The following PPP4R1 variants were observed in gnomAD, a reference collection of about 807,000 sequenced individuals.
The protein encoded by PPP4R1 is protein phosphatase 4 regulatory subunit 1.
In PPP4R1, 42 loss-of-function variants were observed where a neutral mutation model predicts 111.2. The ratio of observed to expected loss-of-function variants is 0.38; its 90% CI spans 0.29 to 0.49. PPP4R1 has a LOEUF of 0.49. Ranked by LOEUF, PPP4R1 falls within the 20% of genes least tolerant of loss-of-function variation. PPP4R1 has a pLI of 0.97. For synonymous variants in PPP4R1, 409 were observed against 405.5 expected (o/e 1.01, Z -0.10); for missense variants, 1,012 against 1,161.6 (o/e 0.87, Z 1.87).
At position 9,614,316 on chromosome 18, in the gene PPP4R1, C is replaced by A; in HGVS notation, c.8-46G>T. On this transcript the variant is annotated intron_variant, in intron 1 of 19. Transcript: ENST00000400556. The surrounding 1 kb of genome is among the most constrained non-coding windows in gnomAD (Gnocchi z 4.1). ...AAAGGCCCGGTCAGCGCCCCGGGGCCCGGCGCGACGCCCCCCCCCCGCCCG... is the reference window on the plus strand; with the variant it reads ...AAAGGCCCGGTCAGCGCCCCGGGGCACGGCGCGACGCCCCCCCCCCGCCCG... 1 of 1,191,550 alleles carries A rather than the reference C, an allele frequency of 8.4e-7. No homozygotes were observed. Among genetic ancestry groups the A allele is most frequent in the Non-Finnish European group, 1.1e-6 (1 of 950,574 alleles). The allele number at this position is 1,191,550 out of a possible 1,614,324, so 73.8% of individuals were successfully genotyped here.
At chr18:9,568,336 G>A (rs2066804240) in intron 11 of PPP4R1, among the ~76,000 whole-genome samples, 1 of 152,124 alleles carries the variant, frequency 6.6e-6, no homozygotes, top group African/African-American at 2.4e-5. Context: ...TTTATGCACT[G>A]GAAAACCACA....
chr18:9,613,577 GA>G (rs2067622496), intron 2 of PPP4R1: 3 of 152,188 alleles, frequency 2.0e-5, no homozygotes, highest in Admixed American at 1.3e-4. Flanking sequence ...GGTGATTTCT[GA>G]ACATCCGCAT....
intron 2 of PPP4R1, among the ~76,000 whole-genome samples, chr18:9,603,161 T>G (rs1430328013): frequency 8.8e-6 from 1 of 113,008 alleles, no homozygotes; most frequent in Non-Finnish European, 1.8e-5. Context: ...TAGTTTTCAT[T>G]CAACCAATTA....
chr18:9,615,658 C>G (rs1439558780), upstream of PPP4R1, among the ~76,000 whole-genome samples: 1 of 152,174 alleles, frequency 6.6e-6, no homozygotes, highest in Non-Finnish European at 1.5e-5. Context: ...CCCAAGGCCT[C>G]CAAAATGGTG....
chr18:9,600,807 G>C (rs2067369065), intron 2 of PPP4R1, among the ~76,000 whole-genome samples: 1 of 152,144 alleles, frequency 6.6e-6, no homozygotes, highest in African/African-American at 2.4e-5. Context: ...CTTGAGTACG[G>C]GAGGCAGACA....
intron 15 of PPP4R1, among the ~76,000 whole-genome samples, chr18:9,555,986 A>AAAC (rs1354476066): frequency 9.2e-5 from 7 of 75,678 alleles, no homozygotes; most frequent in African/African-American, 3.1e-4. Context: ...ACAAACAAAC[A>AAAC]AACAAACAAA....
At chr18:9,574,655 G>A (rs1435541350) in intron 10 of PPP4R1, among the ~76,000 whole-genome samples, 1 of 152,196 alleles carries the variant, frequency 6.6e-6, no homozygotes, top group Non-Finnish European at 1.5e-5. Flanking sequence ...GGAGCTGGAC[G>A]CCACACTGCA....
chr18:9,604,217 T>C (rs1284646880), intron 2 of PPP4R1, among the ~76,000 whole-genome samples: 17 of 152,172 alleles, frequency 1.1e-4, no homozygotes, highest in Admixed American at 1.1e-3. Context: ...GTAATAAAGT[T>C]TAAAGACCAC....
At position 9,550,417 on chromosome 18, in the gene PPP4R1, A is replaced by G. The variant is rs1175738753; in HGVS notation, c.2292-19T>C. On this transcript the variant is annotated intron_variant, in intron 16 of 19. Transcript: ENST00000400556. Reference sequence around the variant, plus strand: ...CAGCTGTCTACAAAAAGGAATTACAAAAAGACAATGTTTAAAAATCAGCGA... The same window carrying G: ...CAGCTGTCTACAAAAAGGAATTACAGAAAGACAATGTTTAAAAATCAGCGA... The G allele has an allele frequency of 3.8e-6, 6 of 1,567,876 alleles. No homozygotes were observed. Among genetic ancestry groups the G allele is most frequent in the Middle Eastern group, 3.5e-4 (2 of 5,710 alleles).
At chr18:9,568,310 C>G (rs1482078441) in intron 11 of PPP4R1, among the ~76,000 whole-genome samples, 1 of 152,184 alleles carries the variant, frequency 6.6e-6, no homozygotes, top group Non-Finnish European at 1.5e-5. Context: ...CAGGTGCAAG[C>G]CACTGCACCT....
intron 2 of PPP4R1, among the ~76,000 whole-genome samples, chr18:9,609,052 G>GTCTC (rs113826727): frequency 1.2e-4 from 18 of 151,302 alleles, no homozygotes; most frequent in South Asian, 4.2e-4. Context: ...TTTTCTCTCT[G>GTCTC]TCTCTCTCTC....
chr18:9,597,083 T>A (rs1178131873), intron 2 of PPP4R1, among the ~76,000 whole-genome samples: 1 of 152,088 alleles, frequency 6.6e-6, no homozygotes, highest in African/African-American at 2.4e-5. Context: ...TACTCTTCTA[T>A]AACTGCATTT....
In PPP4R1 at chr18:9,572,658, C is replaced by CT. The variant is rs1196210023; in HGVS notation, c.1047-1976dup. ...TGCAAAAGGAGGGTGATGTTAATGCCTATGTGAGCTCCCACTTAAACAGTC... is the reference window on the plus strand; with the variant it reads ...TGCAAAAGGAGGGTGATGTTAATGCCTTATGTGAGCTCCCACTTAAACAGTC... On this transcript the variant is annotated intron_variant, in intron 10 of 19. Coordinates refer to ENST00000400556, the MANE Select transcript of PPP4R1 (RefSeq NM_001042388.3). 2.0e-5 allele frequency among the ~76,000 whole-genome samples: 3 copies of CT among 152,322 alleles called. No homozygotes were observed. In the East Asian group the frequency reaches 5.8e-4, roughly 29 times the overall value.
intron 2 of PPP4R1, among the ~76,000 whole-genome samples, chr18:9,608,278 A>G (rs1019313012): frequency 6.6e-6 from 1 of 152,208 alleles, no homozygotes; most frequent in African/African-American, 2.4e-5. Context: ...ACTTGCTCAG[A>G]TTATAAAGAG....
At chr18:9,585,231 T>C (rs2067097027) in intron 6 of PPP4R1, among the ~76,000 whole-genome samples, 2 of 152,228 alleles carry the variant, frequency 1.3e-5, no homozygotes, top group South Asian at 4.1e-4. Flanking sequence ...GGGAAAACTA[T>C]CCCCAGGAAA....
intron 15 of PPP4R1, among the ~76,000 whole-genome samples, chr18:9,555,857 C>T (rs576039386): frequency 2.0e-4 from 30 of 152,042 alleles, no homozygotes; most frequent in Non-Finnish European, 4.1e-4. Flanking sequence ...AAATTTTAGG[C>T]CAGGCATGGT....
In PPP4R1 at chr18:9,580,828, C is replaced by T. The variant is rs1287086276; in HGVS notation, c.918+2289G>A. Among the ~76,000 whole-genome samples, 6 of 152,320 alleles carry T rather than the reference C, an allele frequency of 3.9e-5. No individual in the cohort carries two copies. In the East Asian group the frequency reaches 9.7e-4, roughly 25 times the overall value. On this transcript the variant is annotated intron_variant, in intron 9 of 19. Coordinates refer to ENST00000400556, the MANE Select transcript of PPP4R1 (RefSeq NM_001042388.3). ...AGCTGAGGGGTGAGGCTCCTTTCTTCCACCCTCCTTTGGGTGTGGCACACT... is the reference window on the plus strand; with the variant it reads ...AGCTGAGGGGTGAGGCTCCTTTCTTTCACCCTCCTTTGGGTGTGGCACACT...
intron 10 of PPP4R1, among the ~76,000 whole-genome samples, chr18:9,576,537 A>G (rs1247864223): frequency 1.3e-5 from 2 of 152,178 alleles, no homozygotes. Context: ...TAAAACTGAT[A>G]TACTGGCTAA....
intron 19 of PPP4R1, among the ~76,000 whole-genome samples, chr18:9,548,844 G>A (rs2066442343): frequency 1.3e-5 from 2 of 152,348 alleles, no homozygotes; most frequent in South Asian, 2.1e-4. Context: ...CTTGAACCCG[G>A]AAGGCAGAGG....
Sources: allele counts gnomAD v4.1 joint callset (sites outside exome capture counted in the v4.1 genomes callset), GRCh38; gene constraint gnomAD v4.1.1; non-coding constraint Gnocchi (gnomAD v3.1); transcripts MANE v1.5; gene names NCBI Gene and HGNC (gene_info 2026-07-23, HGNC 2026-07-21).